Variants in TET3 observed in about 807,000 individuals in gnomAD.
TET3 encodes the protein methylcytosine dioxygenase TET3.
In TET3, 19 loss-of-function variants were observed where a neutral mutation model predicts 141.4. The ratio of observed to expected loss-of-function variants is 0.13; its 90% confidence interval spans 0.09 to 0.20. The LOEUF (loss-of-function observed/expected upper bound fraction) is 0.20, where lower values mean the gene tolerates loss of function less well. Ranked by LOEUF, TET3 falls within the 10% of genes least tolerant of loss-of-function variation. The pLI is 1.00. For synonymous variants in TET3, 1,043 were observed against 980.9 expected (o/e 1.06, Z -1.18); for missense variants, 1,874 against 2,356.9 (o/e 0.80, Z 4.24).
Position 74,037,334 on chromosome 2 carries a change from G to C in TET3, c.361-8944G>C, listed in dbSNP as rs375652823. Among the ~76,000 whole-genome samples, 88 of 152,380 alleles carry C rather than the reference G, an allele frequency of 5.8e-4. 1 individual carries two copies. In the South Asian group the frequency reaches 0.012, roughly 20 times the overall value. On this transcript the variant is annotated intron_variant, in intron 3 of 11. Coordinates refer to ENST00000409262, the MANE Select transcript of TET3 (RefSeq NM_001287491.2). ...AACATGCCATAAATACAACCCATTT[G>C]CTATTAGAGAGAGTGGGGCCATCCA...
intron 4 of TET3, among the ~76,000 whole-genome samples, chr2:74,063,016 T>C (rs1372553739): frequency 1.3e-5 from 2 of 151,200 alleles, no homozygotes; most frequent in African/African-American, 4.9e-5. Context: ...CCCGAGTAGC[T>C]GGGGTTACAG....
Position 74,100,619 on chromosome 2 carries a change from C to T in TET3, c.3831C>T (p.Ser1277=). Residue 1277 remains serine (S), a synonymous_variant, in exon 12 of 12, where the codon TCC becomes TCT. Coordinates refer to ENST00000409262, the MANE Select transcript of TET3 (RefSeq NM_001287491.2). ...TGACCTCCGTCAATGGCTTCCACTC[C>T]AAGTACGCTCTCCCGTCTTTTAGCT... is the stretch of plus-strand genomic sequence containing the variant. ...PSLTSVNGFH[S]KYALPSFSYY... 3.7e-6 allele frequency: 6 copies of T among 1,614,018 alleles called. No individual in the cohort carries two copies. Among genetic ancestry groups the T allele is most frequent in the Non-Finnish European group, 5.1e-6 (6 of 1,179,900 alleles).
Position 74,101,971 on chromosome 2 carries a change from C to T in TET3, c.5183C>T (p.Ala1728Val). 2.5e-6 allele frequency: 4 copies of T among 1,607,248 alleles called. No homozygotes were observed. The highest frequency in any genetic ancestry group is 3.4e-6 in the Non-Finnish European group (4 of 1,175,474). ...GCACGGGCACGGCAGGAGGAGGCTG[C>T]CCGGCTGGGCCTGGGCCAGCAGGAG... ...ERARARQEEA[A>V]RLGLGQQEAK... is the part of the protein sequence containing the mutation. Residue 1728 changes from alanine to valine, a missense_variant, in exon 12 of 12, where the codon GCC becomes GTC. Transcript: ENST00000409262. This position sits in a 1 kb window ranked among gnomAD's most constrained non-coding sequence, Gnocchi z 8.5.
chr2:74,022,512 C>CTT (rs59928885), intron 3 of TET3, among the ~76,000 whole-genome samples: 1 of 141,456 alleles, frequency 7.1e-6, no homozygotes, highest in Non-Finnish European at 1.6e-5. Context: ...TTTTGCCAAA[C>CTT]TTTTTTTTTT....
chr2:74,075,380 G>A (rs1689449140), intron 5 of TET3, among the ~76,000 whole-genome samples: 1 of 138,806 alleles, frequency 7.2e-6, no homozygotes, highest in South Asian at 2.3e-4. Flanking sequence ...CCAGTCTGGA[G>A]TGCAGTGGTG....
chr2:74,047,665 C>A lies in TET3; in HGVS notation c.1748C>A (p.Pro583Gln). The A allele has an allele frequency of 6.2e-7, 1 of 1,613,350 alleles. No homozygotes were observed. Among genetic ancestry groups the A allele is most frequent in the Non-Finnish European group, 8.5e-7 (1 of 1,179,646 alleles). Residue 583 changes from proline to glutamine, a missense_variant, in exon 4 of 12, where the codon CCA (proline) becomes CAA (glutamine). Physicochemically the swap from Pro to Gln is moderately conservative, Grantham distance 76. Around this residue, in one of 10 missense-constraint regions of TET3, gnomAD observed 484 missense variants for 462.2 expected, o/e 1.05. Transcript: ENST00000409262. Reference protein sequence around the residue: ...RPPKEKKKKLPTPAGGPVGTE... With the variant: ...RPPKEKKKKLQTPAGGPVGTE... Reference sequence around the variant, plus strand: ...CCCAAGGAGAAGAAGAAGAAGCTCCCAACACCAGCTGGAGGTCCCGTGGGA... The same window carrying A: ...CCCAAGGAGAAGAAGAAGAAGCTCCAAACACCAGCTGGAGGTCCCGTGGGA...
the TET3 span, among the ~76,000 whole-genome samples, chr2:74,125,147 C>T: frequency 6.6e-6 from 1 of 152,000 alleles, no homozygotes; most frequent in Non-Finnish European, 1.5e-5. Context: ...GCTGGGATTA[C>T]AGGTGCCTGC....
chr2:74,032,148 A>T (rs1220443699), intron 3 of TET3, among the ~76,000 whole-genome samples: 1 of 152,180 alleles, frequency 6.6e-6, no homozygotes, highest in Admixed American at 6.5e-5. Flanking sequence ...CCTTTGACAC[A>T]CCTGAGCTGT....
At chr2:74,100,213 G>A (rs2104208298) in intron 11 of TET3, among the ~76,000 whole-genome samples, 180 bp from the exon 12 acceptor site, 1 of 152,272 alleles carries the variant, frequency 6.6e-6, no homozygotes, top group East Asian at 1.9e-4. Context: ...CCTGTGCTGA[G>A]CAGGGCCCAG....
At chr2:74,090,152 G>C in intron 8 of TET3, 105 bp downstream of exon 8, 1 of 1,498,602 alleles carries the variant, frequency 6.7e-7, no homozygotes. Flanking sequence ...AGATGCACAG[G>C]AAGTGGAACT....
chr2:74,129,939 A>G, the TET3 span, among the ~76,000 whole-genome samples: 1 of 151,602 alleles, frequency 6.6e-6, no homozygotes, highest in African/African-American at 2.4e-5. Flanking sequence ...ACTAAAAAAC[A>G]CAAAAATTAG....
chr2:74,049,944 A>T (rs1005183857), intron 4 of TET3, among the ~76,000 whole-genome samples: 12 of 152,074 alleles, frequency 7.9e-5, no homozygotes, highest in African/African-American at 2.9e-4. Flanking sequence ...TAACGACATG[A>T]CTTCGAGGGC....
intron 6 of TET3, among the ~76,000 whole-genome samples, chr2:74,085,047 G>T (rs1324750646): frequency 6.6e-6 from 1 of 152,002 alleles, no homozygotes; most frequent in Non-Finnish European, 1.5e-5. Flanking sequence ...TTTAGAGATG[G>T]GTGGTTGTGA....
At chr2:73,995,252 G>T (rs992164305) in intron 2 of TET3, among the ~76,000 whole-genome samples, 7 of 152,218 alleles carry the variant, frequency 4.6e-5, no homozygotes, top group African/African-American at 1.7e-4. Flanking sequence ...GAGCCACTGT[G>T]CCTGGCCTGT....
chr2:74,128,850 G>A, the TET3 span, among the ~76,000 whole-genome samples: 50 of 151,796 alleles, frequency 3.3e-4, no homozygotes, highest in Admixed American at 1.0e-3. Context: ...AAAATAGCCA[G>A]GCATGGTGGT....
At chr2:74,127,288 T>G in the TET3 span, among the ~76,000 whole-genome samples, 1 of 152,368 alleles carries the variant, frequency 6.6e-6, no homozygotes, top group South Asian at 2.1e-4. Flanking sequence ...TAGTCTTTAC[T>G]TAGTGACAGA....
At chr2:74,004,371 G>T (rs1300495135) in intron 3 of TET3, among the ~76,000 whole-genome samples, 1 of 152,210 alleles carries the variant, frequency 6.6e-6, no homozygotes, top group Non-Finnish European at 1.5e-5. Flanking sequence ...GGTGCTGGAA[G>T]TGGCATCCTG....
At chr2:74,068,279 G>A (rs1026413895) in intron 4 of TET3, among the ~76,000 whole-genome samples, 3 of 151,772 alleles carry the variant, frequency 2.0e-5, no homozygotes, top group Admixed American at 1.3e-4. Context: ...AATGACATAT[G>A]TATATACCTT....
intron 4 of TET3, among the ~76,000 whole-genome samples, chr2:74,066,271 T>C (rs1688893154): frequency 6.6e-6 from 1 of 152,204 alleles, no homozygotes; most frequent in Admixed American, 6.5e-5. Flanking sequence ...AATAAGACAC[T>C]TAATATCTTA....
Sources: gnomAD v4.1 joint callset for allele counts (sites outside exome capture counted in the v4.1 genomes callset) on GRCh38, gnomAD v4.1.1 for gene constraint, gnomAD v4.1.1 regional missense constraint, Gnocchi (gnomAD v3.1) non-coding constraint, MANE v1.5 for transcripts, NCBI Gene and HGNC (gene_info 2026-07-23, HGNC 2026-07-21) for gene names.